The following LIMCH1 variants were observed in gnomAD, a reference collection of about 807,000 sequenced individuals.
LIMCH1 encodes LIM and calponin homology domains-containing protein 1.
A neutral mutation model predicts 176.5 loss-of-function variants in LIMCH1; 113 were observed. The ratio of observed to expected loss-of-function variants is 0.64; its 90% CI spans 0.55 to 0.75. The LOEUF (loss-of-function observed/expected upper bound fraction) is 0.75. Among genes scored for constraint, LIMCH1 ranks in the 30% least tolerant of loss-of-function variants. LIMCH1 has a pLI of 0.00. For missense variants in LIMCH1, 1,674 were observed against 1,814.9 expected, an observed-to-expected ratio of 0.92 and a Z score of 1.41; for synonymous variants, 619 against 645.9, an observed-to-expected ratio of 0.96 and a Z score of 0.63.
intron 1 of LIMCH1, among the ~76,000 whole-genome samples, chr4:41,422,429 C>T (rs2060687090): frequency 6.6e-6 from 1 of 152,140 alleles, no homozygotes; most frequent in Non-Finnish European, 1.5e-5. Flanking sequence ...CTGAAGTGAT[C>T]TGCCTGCCTC....
chr4:41,685,188 G>A (rs912576703), intron 27 of LIMCH1, among the ~76,000 whole-genome samples: 1 of 152,254 alleles, frequency 6.6e-6, no homozygotes, highest in South Asian at 2.1e-4. Context: ...TGGAATTAAC[G>A]AATTTTGCCT....
At chr4:41,551,512 A>G (rs1477506440) in intron 1 of LIMCH1, 1 of 152,126 alleles carries the variant, frequency 6.6e-6, no homozygotes, top group Admixed American at 6.6e-5. Context: ...GGCATTGGGC[A>G]CTCCAAGGAT....
At chr4:41,542,872 A>G (rs1252869131) in intron 1 of LIMCH1, among the ~76,000 whole-genome samples, 1 of 152,248 alleles carries the variant, frequency 6.6e-6, no homozygotes, top group African/African-American at 2.4e-5. Flanking sequence ...TAAATTGAAA[A>G]TAAGAACTGA....
intron 8 of LIMCH1, among the ~76,000 whole-genome samples, 152 bp from the exon 9 acceptor site, chr4:41,629,340 C>T (rs930835398): frequency 6.6e-6 from 1 of 152,178 alleles, no homozygotes; most frequent in African/African-American, 2.4e-5. Context: ...TCACAGCTCC[C>T]GTTGATTCCA....
chr4:41,644,550 C>T lies in LIMCH1; in HGVS notation c.2177C>T (p.Pro726Leu), dbSNP rs1585249641. The change falls in exon 15 of 32, where the codon CCG becomes CTG. Residue 726 changes from proline (P) to leucine (L), a missense_variant. Transcript: ENST00000503057. ...TGTGAGGAGGAGGCCGCGGTGCAGC[C>T]GCACAGCAGGGCCCGCCAGGAGCAG... is the stretch of plus-strand genomic sequence containing the variant. ...MRCEEEAAVQ[P>L]HSRARQEQLQ... is the part of the protein sequence containing the mutation. 1 of 1,604,392 alleles carries T rather than the reference C, an allele frequency of 6.2e-7. No individual in the cohort carries two copies. The highest frequency in any genetic ancestry group is 1.3e-5 in the African/African-American group (1 of 74,750).
At chr4:41,680,234 C>T (rs1180791932) in intron 24 of LIMCH1, 136 bp downstream of exon 24, 1 of 645,058 alleles carries the variant, frequency 1.6e-6, no homozygotes, top group Non-Finnish European at 2.8e-6. Flanking sequence ...CCATCAAGCT[C>T]TTTAAAACAG....
Position 41,460,521 on chromosome 4 carries a change from AT to A in LIMCH1, c.97-34007del, listed in dbSNP as rs1232484172. Among the ~76,000 whole-genome samples, 8 of 144,510 alleles carry A rather than the reference AT, an allele frequency of 5.5e-5. 1 individual carries two copies. The highest frequency in any genetic ancestry group is 2.2e-4 in the South Asian group (1 of 4,502). The allele number at this position is 144,510 out of a possible 152,430, so 94.8% of individuals were successfully genotyped here. A position where few individuals can be genotyped will look rare whatever the true frequency, so the allele number is the denominator to read the frequency against. On this transcript the variant is annotated intron_variant, in intron 1 of 26. Coordinates refer to the LIMCH1 transcript ENST00000313860. Reference sequence around the variant, plus strand: ...ATAGATCTTAAATATACACAAAAAGATTTTTTTTAAGTTGTTTGTCAGTTTT... The same window carrying A: ...ATAGATCTTAAATATACACAAAAAGATTTTTTTAAGTTGTTTGTCAGTTTT...
chr4:41,538,167 C>T lies in LIMCH1; in HGVS notation c.-424C>T. 2.0e-6 allele frequency: 2 copies of T among 985,584 alleles called. No individual in the cohort carries two copies. Among genetic ancestry groups the T allele is most frequent in the Non-Finnish European group, 2.4e-6 (2 of 830,014 alleles). 61.1% of individuals were successfully genotyped at this position (985,584 alleles called of 1,614,324 possible). On this transcript the variant is annotated 5_prime_UTR_variant, in exon 1 of 32. Transcript: ENST00000503057. Reference sequence around the variant, plus strand: ...CCCTTTCACTGCATCAGCATTTCAGCCGCAGCAGCCTGCTTGTGGACAGAG... The same window carrying T: ...CCCTTTCACTGCATCAGCATTTCAGTCGCAGCAGCCTGCTTGTGGACAGAG...
At chr4:41,488,975 G>T (rs745698766) in intron 1 of LIMCH1, among the ~76,000 whole-genome samples, 2 of 152,076 alleles carry the variant, frequency 1.3e-5, no homozygotes, top group South Asian at 4.1e-4. Context: ...TGTGAGAAGG[G>T]TATCTTTCTA....
At chr4:41,671,397 A>AACACACACACACACACACACACACAC (rs141018823) in intron 21 of LIMCH1, among the ~76,000 whole-genome samples, 157 bp from the exon 22 acceptor site, 1 of 137,484 alleles carries the variant, frequency 7.3e-6, no homozygotes, top group African/African-American at 2.7e-5. Flanking sequence ...TGACTTACCA[A>AACACACACACACACACACACACACAC]ACACACACAC....
At chr4:41,461,335 G>A (rs570948258) in intron 1 of LIMCH1, among the ~76,000 whole-genome samples, 10 of 152,270 alleles carry the variant, frequency 6.6e-5, no homozygotes, top group African/African-American at 2.4e-4. Context: ...GCTGGATGCA[G>A]TTTGTTTGGG....
At chr4:41,434,466 A>C (rs2061886131) in intron 1 of LIMCH1, among the ~76,000 whole-genome samples, 1 of 152,170 alleles carries the variant, frequency 6.6e-6, no homozygotes. Context: ...CTCTCACATC[A>C]CCATAATGGA....
At chr4:41,535,068 A>G (rs993286637), upstream of LIMCH1, among the ~76,000 whole-genome samples, 1 of 147,106 alleles carries the variant, frequency 6.8e-6, no homozygotes, top group Non-Finnish European at 1.5e-5. Context: ...AGGCTGAGGT[A>G]GGAGAATCAC....
chr4:41,485,123 A>G (rs1033460420), intron 1 of LIMCH1, among the ~76,000 whole-genome samples: 1 of 152,186 alleles, frequency 6.6e-6, no homozygotes, highest in Non-Finnish European at 1.5e-5. Flanking sequence ...GGTTTTCTTT[A>G]TTAGACTGTT....
intron 2 of LIMCH1, among the ~76,000 whole-genome samples, chr4:41,506,813 A>G (rs1194111819): frequency 6.6e-6 from 1 of 152,204 alleles, no homozygotes; most frequent in Non-Finnish European, 1.5e-5. Flanking sequence ...ATCCCTCATA[A>G]TGACCAATTC....
At chr4:41,674,419 G>A (rs568331014) in intron 22 of LIMCH1, among the ~76,000 whole-genome samples, 13 of 152,290 alleles carry the variant, frequency 8.5e-5, no homozygotes, top group Admixed American at 2.0e-4. Context: ...AAACCACCTC[G>A]AAGTTCTGGA....
intron 1 of LIMCH1, among the ~76,000 whole-genome samples, chr4:41,541,239 A>T (rs1030767248): frequency 2.0e-5 from 3 of 152,214 alleles, no homozygotes; most frequent in African/African-American, 7.2e-5. Flanking sequence ...AATGATATAA[A>T]ATAAGAGCCA....
intron 4 of LIMCH1, among the ~76,000 whole-genome samples, chr4:41,608,612 T>A (rs907178621): frequency 6.6e-6 from 1 of 152,182 alleles, no homozygotes; most frequent in African/African-American, 2.4e-5. Context: ...GTGACCCAGG[T>A]AGAGCCCTTG....
At chr4:41,469,833 C>A (rs2066692155) in intron 1 of LIMCH1, among the ~76,000 whole-genome samples, 1 of 152,044 alleles carries the variant, frequency 6.6e-6, no homozygotes, top group East Asian at 1.9e-4. Flanking sequence ...AGGTGCCTGC[C>A]ACCAGGCTCA....
Sources: allele counts gnomAD v4.1 joint callset (sites outside exome capture counted in the v4.1 genomes callset), GRCh38; gene constraint gnomAD v4.1.1; transcripts MANE v1.5; gene names NCBI Gene and HGNC (gene_info 2026-07-23, HGNC 2026-07-21).